Variants in ADAMTS9 observed in about 807,000 individuals in gnomAD.
ADAMTS9 encodes the protein A disintegrin and metalloproteinase with thrombospondin motifs 9.
In ADAMTS9, 107 loss-of-function variants were observed where a neutral mutation model predicts 257.1. The ratio of observed to expected loss-of-function variants is 0.42; its 90% CI spans 0.36 to 0.49. The LOEUF (loss-of-function observed/expected upper bound fraction) is 0.49. Among genes scored for constraint, ADAMTS9 ranks in the 20% least tolerant of loss-of-function variants. ADAMTS9 has a pLI of 0.03. For synonymous variants in ADAMTS9, 982 were observed against 880.9 expected, an observed-to-expected ratio of 1.11 and a Z score of -2.03; for missense variants, 2,353 against 2,469.1, an observed-to-expected ratio of 0.95 and a Z score of 1.00.
chr3:64,547,995 C>T (rs761859579), intron 31 of ADAMTS9, among the ~76,000 whole-genome samples: 25 of 151,956 alleles, frequency 1.6e-4, no homozygotes, highest in South Asian at 2.1e-4. Context: ...GGTAGAGTGC[C>T]GGTATTCTCT....
At chr3:64,578,222 A>T (rs1297529530) in intron 28 of ADAMTS9, among the ~76,000 whole-genome samples, 1 of 151,130 alleles carries the variant, frequency 6.6e-6, no homozygotes, top group Non-Finnish European at 1.5e-5. Flanking sequence ...GCACACAGTC[A>T]CTCTCAATAT....
chr3:64,541,205 G>A lies in ADAMTS9; in HGVS notation c.5411C>T (p.Pro1804Leu), dbSNP rs2083117394. Residue 1804 changes from proline to leucine, a missense_variant, in exon 36 of 40, where the codon CCC becomes CTC. By Grantham distance (98) the Pro-to-Leu change is moderately conservative (BLOSUM62 -3). Coordinates refer to ENST00000498707, the MANE Select transcript of ADAMTS9 (RefSeq NM_182920.2). ...GHRLHNPTEC[P>L]YNGSRRDDCQ... The stretch of plus-strand genomic sequence containing the variant: ...GTCATCGCGCCGGCTCCCGTTATAG[G>A]GACATTCTGTTGGGTTGTGTAACCT... The A allele has an allele frequency of 6.2e-7, 1 of 1,614,062 alleles. No homozygotes were observed. The highest frequency in any genetic ancestry group is 2.2e-5 in the East Asian group (1 of 44,892).
At chr3:64,652,205 A>G (rs371093246) in intron 8 of ADAMTS9, among the ~76,000 whole-genome samples, 28 of 152,216 alleles carry the variant, frequency 1.8e-4, no homozygotes, top group African/African-American at 6.8e-4. Context: ...TGAGTCAGAC[A>G]GAAGCACATA....
At chr3:64,608,686 A>G (rs58682923) in intron 22 of ADAMTS9, among the ~76,000 whole-genome samples, 18,370 of 151,980 alleles carry the variant, frequency 0.12, 1,290 homozygotes, top group East Asian at 0.25. Context: ...TCACTCATGA[A>G]TTTTACCAAA....
Position 64,621,138 on chromosome 3 carries a change from G to A in ADAMTS9, c.2789C>T (p.Pro930Leu). 1 of 1,613,706 alleles carries A rather than the reference G, an allele frequency of 6.2e-7. No individual in the cohort carries two copies. The highest frequency in any genetic ancestry group is 8.5e-7 in the Non-Finnish European group (1 of 1,179,768). ...CCTCAGGTCACAGTCTGTACCACAGGGTTCAGTAATGTGTCCAGGCTGGGG... is the reference window on the plus strand; with the variant it reads ...CCTCAGGTCACAGTCTGTACCACAGAGTTCAGTAATGTGTCCAGGCTGGGG... The part of the protein sequence containing the change: ...RLPQPGHITE[P>L]CGTDCDLRWH... Residue 930 changes from proline to leucine, a missense_variant, in exon 19 of 40, where the codon CCC (proline) becomes CTC (leucine). Around this residue, in one of 3 missense-constraint regions of ADAMTS9, gnomAD observed 1,402 missense variants for 1,441.4 expected, o/e 0.97. Transcript: ENST00000498707.
chr3:64,619,295 G>A (rs564610934), intron 19 of ADAMTS9, among the ~76,000 whole-genome samples: 2 of 152,086 alleles, frequency 1.3e-5, no homozygotes, highest in Admixed American at 1.3e-4. Flanking sequence ...TAGGGAACAG[G>A]GATGGGGCAA....
Position 64,655,648 on chromosome 3 carries a change from T to A in ADAMTS9, c.1097A>T (p.Asn366Ile). Residue 366 changes from asparagine to isoleucine, a missense_variant, in exon 6 of 40, where the codon AAC becomes ATC. Asn to Ile is a moderately radical substitution (Grantham distance 149). Transcript: ENST00000498707. ...ISFNAQTTLK[N>I]FCQWQHSKNS... ...CTTCGAATGCTGCCACTGGCAAAAG[T>A]TTTTTAATGTTGTCTGAGCATTAAA... 2 of 1,614,152 alleles carry A rather than the reference T, an allele frequency of 1.2e-6. No individual in the cohort carries two copies. Among genetic ancestry groups the A allele is most frequent in the Non-Finnish European group, 8.5e-7 (1 of 1,180,002 alleles).
chr3:64,562,979 G>C (rs1306127029), intron 29 of ADAMTS9: 1 of 152,184 alleles, frequency 6.6e-6, no homozygotes, highest in Admixed American at 6.5e-5. Context: ...TGCCAGAGAG[G>C]AGAACCATAT....
At chr3:64,656,514 CTAAGTCACTCAGAGAAAT>C (rs1211984381) in intron 4 of ADAMTS9, among the ~76,000 whole-genome samples, 1 of 152,128 alleles carries the variant, frequency 6.6e-6, no homozygotes, top group Non-Finnish European at 1.5e-5. Flanking sequence ...AATGAGGAAA[CTAAGTCACTCAGAGAAAT>C]TAAGTCACTT....
intron 23 of ADAMTS9, 70 bp from the exon 24 acceptor site, chr3:64,604,401 G>A: frequency 1.7e-6 from 2 of 1,153,580 alleles, no homozygotes; most frequent in Non-Finnish European, 2.5e-6. Flanking sequence ...AATGGTCATG[G>A]TGGATAAAAA....
intron 29 of ADAMTS9, among the ~76,000 whole-genome samples, chr3:64,567,750 C>T (rs1482077615): frequency 6.6e-6 from 1 of 151,970 alleles, no homozygotes; most frequent in Non-Finnish European, 1.5e-5. Flanking sequence ...AAATATAACT[C>T]TTGAGAGCCT....
chr3:64,623,273 T>G (rs1175027600), intron 16 of ADAMTS9, among the ~76,000 whole-genome samples: 1 of 152,196 alleles, frequency 6.6e-6, no homozygotes, highest in Admixed American at 6.5e-5. Context: ...CAAAGGCACT[T>G]TGGCTCTGCC....
At chr3:64,654,705 T>C in intron 6 of ADAMTS9, 93 bp from the exon 7 acceptor site, 1 of 1,391,698 alleles carries the variant, frequency 7.2e-7, no homozygotes, top group Non-Finnish European at 1.0e-6. Flanking sequence ...TTCACAACAG[T>C]ACACACTTTG....
intron 28 of ADAMTS9, chr3:64,592,846 C>A (rs1294409145): frequency 1.3e-5 from 2 of 151,766 alleles, no homozygotes; most frequent in Admixed American, 1.3e-4. Flanking sequence ...AAACATAACT[C>A]TGGTACTGGT....
intron 28 of ADAMTS9, among the ~76,000 whole-genome samples, chr3:64,584,855 T>C (rs528734127): frequency 2.2e-4 from 34 of 152,152 alleles, no homozygotes; most frequent in Non-Finnish European, 3.7e-4. Flanking sequence ...TCTTTTTTCC[T>C]CAAATCAAGG....
chr3:64,637,233 G>T (rs1237213498), intron 12 of ADAMTS9, among the ~76,000 whole-genome samples: 1 of 152,210 alleles, frequency 6.6e-6, no homozygotes, highest in East Asian at 1.9e-4. Flanking sequence ...TCATCTTTCA[G>T]CATGGAAAAA....
intron 36 of ADAMTS9, among the ~76,000 whole-genome samples, chr3:64,540,539 T>C (rs17070947): frequency 0.01 from 1,537 of 152,282 alleles, 53 homozygotes; most frequent in East Asian, 0.078. Flanking sequence ...TACGTCTGTG[T>C]AAGCATGTAC....
intron 32 of ADAMTS9, among the ~76,000 whole-genome samples, chr3:64,546,453 G>C (rs75591768): frequency 0.01 from 1,535 of 152,264 alleles, 55 homozygotes; most frequent in East Asian, 0.078. Flanking sequence ...ACAACTACCA[G>C]TTTTGCAGAT....
chr3:64,638,000 A>AT (rs560614864), intron 12 of ADAMTS9, among the ~76,000 whole-genome samples: 19 of 152,304 alleles, frequency 1.2e-4, no homozygotes, highest in African/African-American at 4.1e-4. Flanking sequence ...TGAGAAATTC[A>AT]TTTTTTTGGA....
Sources: allele counts gnomAD v4.1 joint callset (sites outside exome capture counted in the v4.1 genomes callset), GRCh38; gene constraint gnomAD v4.1.1; regional missense constraint gnomAD v4.1.1; transcripts MANE v1.5; gene names NCBI Gene and HGNC (gene_info 2026-07-23, HGNC 2026-07-21).